Variants in LIG1 observed in about 807,000 individuals in gnomAD.
LIG1 encodes DNA ligase 1, also known as ligase I, DNA, ATP-dependent.
LIG1 carries 70 observed loss-of-function variants against 115.7 expected under a neutral mutation model. The ratio of observed to expected loss-of-function variants is 0.60; its 90% CI spans 0.50 to 0.74. The LOEUF is 0.74. Among genes scored for constraint, LIG1 ranks in the 30% least tolerant of loss-of-function variants. LIG1 has a pLI of 0.00. For synonymous variants in LIG1, 487 were observed against 495.3 expected (o/e 0.98, Z 0.22); for missense variants, 1,115 against 1,225.6 (o/e 0.91, Z 1.35).
In LIG1 at chr19:48,161,385, G is replaced by A; in HGVS notation, c.230C>T (p.Pro77Leu). The A allele has an allele frequency of 6.2e-7, 1 of 1,614,132 alleles. No homozygotes were observed. The highest frequency in any genetic ancestry group is 1.1e-5 in the South Asian group (1 of 91,080). ...EGEEEDEALS[P>L]AKGQKPALDC... ...ATGGGGACCTACCTGGCCTTTAGCA[G>A]GGCTAAGGGCTTCATCCTCCTCTTC... The change falls in exon 4 of 28, where the codon CCT (proline) becomes CTT (leucine). Residue 77 changes from proline (P) to leucine (L), a missense_variant. Physicochemically the swap from Pro to Leu is moderately conservative, Grantham distance 98. Coordinates refer to ENST00000263274, the MANE Select transcript of LIG1 (RefSeq NM_000234.3).
At chr19:48,141,972 G>T (rs8108486) in intron 11 of LIG1, among the ~76,000 whole-genome samples, 95,430 of 151,972 alleles carry the variant, frequency 0.63, 31,189 homozygotes, top group East Asian at 0.87. Context: ...CATAGTGAAT[G>T]AAGGTAGGCT....
intron 27 of LIG1, 22 bp downstream of exon 27, chr19:48,115,851 C>T (rs1199869009): frequency 6.2e-6 from 10 of 1,607,696 alleles, no homozygotes; most frequent in Admixed American, 3.3e-5. Flanking sequence ...GGGCGGCCCA[C>T]CCCTGCTTCC....
chr19:48,128,325 C>A (rs555857100), intron 19 of LIG1, among the ~76,000 whole-genome samples: 1 of 152,284 alleles, frequency 6.6e-6, no homozygotes, highest in African/African-American at 2.4e-5. Context: ...CACTTCCCAC[C>A]AACTCCCTGC....
At chr19:48,169,999 G>A (rs2036718594) in intron 1 of LIG1, 1 of 304,750 alleles carries the variant, frequency 3.3e-6, no homozygotes, top group African/African-American at 2.5e-5. Context: ...CAGAGGACCT[G>A]TCCAACTGTC....
intron 12 of LIG1, among the ~76,000 whole-genome samples, chr19:48,139,097 G>C (rs1202965129): frequency 1.3e-5 from 2 of 152,224 alleles, no homozygotes; most frequent in Non-Finnish European, 2.9e-5. Context: ...GAACCCACCA[G>C]TGGGTGGTCA....
In LIG1 at chr19:48,157,426, C is replaced by CTA. The variant is rs1568546282; in HGVS notation, c.244-287_244-286insTA. Reference sequence around the variant, plus strand: ...CCAAGTAGCTGGGACTACAGGCCTGCACTACCATGCCTGGCTAATTTTTGT... The same window carrying CTA: ...CCAAGTAGCTGGGACTACAGGCCTGCTAACTACCATGCCTGGCTAATTTTTGT... On this transcript the variant is annotated intron_variant, in intron 4 of 27. Coordinates refer to ENST00000263274, the MANE Select transcript of LIG1 (RefSeq NM_000234.3). 5.9e-5 allele frequency among the ~76,000 whole-genome samples: 9 copies of CTA among 152,238 alleles called. No homozygotes were observed. The South Asian group carries it at 1.9e-3, about 32-fold the overall frequency.
In LIG1 at chr19:48,135,968, G is replaced by C. The variant is rs1285355611; in HGVS notation, c.1423+66C>G. 3.7e-6 allele frequency: 5 copies of C among 1,355,320 alleles called. No individual in the cohort carries two copies. The African/African-American group carries it at 7.2e-5, about 20-fold the overall frequency. The allele number at this position is 1,355,320 out of a possible 1,614,324, so 84.0% of individuals were successfully genotyped here. On this transcript the variant is annotated intron_variant, in intron 15 of 27. Coordinates refer to ENST00000263274, the MANE Select transcript of LIG1 (RefSeq NM_000234.3). ...GGGGAAGGGGCGGGCATGGGCCTCT[G>C]AAGAGGAGGGGGGAAGCCTGAGGTA...
intron 11 of LIG1, 104 bp downstream of exon 11, chr19:48,143,439 G>A: frequency 1.8e-6 from 2 of 1,090,950 alleles, no homozygotes; most frequent in Non-Finnish European, 2.8e-6. Context: ...GGGGTCAGAG[G>A]CCAAGTTGAC....
At chr19:48,162,433 C>CTTTTTTTT in intron 2 of LIG1, 82 bp from the exon 3 acceptor site, 1 of 632,036 alleles carries the variant, frequency 1.6e-6, no homozygotes, top group Non-Finnish European at 2.6e-6. Context: ...CTATAACTTC[C>CTTTTTTTT]TTTTTTTTTT....
At chr19:48,146,748 T>G (rs1352105807) in intron 9 of LIG1, among the ~76,000 whole-genome samples, 1 of 152,234 alleles carries the variant, frequency 6.6e-6, no homozygotes, top group Non-Finnish European at 1.5e-5. Flanking sequence ...AGTAGGACAC[T>G]GATTTTATTT....
Position 48,136,063 on chromosome 19 carries a change from TG to T in LIG1, c.1393del (p.Gln465ArgfsTer3). The T allele has an allele frequency of 6.4e-7, 1 of 1,570,844 alleles. No homozygotes were observed. The highest frequency in any genetic ancestry group is 8.6e-7 in the Non-Finnish European group (1 of 1,158,588). Reference sequence around the variant, plus strand: ...GCCCGGGGGCGTGAGGCTCACTGCCTGGGAGAGGGCAGCCAGCACCGACTGC... The same window carrying T: ...GCCCGGGGGCGTGAGGCTCACTGCCTGGAGAGGGCAGCCAGCACCGACTGC... ...AEQSVLAALS[Q>X]AVSLTPPGQE... On this transcript the variant is annotated frameshift_variant, in exon 15 of 28. Coordinates refer to ENST00000263274, the MANE Select transcript of LIG1 (RefSeq NM_000234.3). LOFTEE classifies it high-confidence loss of function.
intron 8 of LIG1, 26 bp from the exon 9 acceptor site, chr19:48,149,867 G>T: frequency 6.2e-7 from 1 of 1,607,770 alleles, no homozygotes; most frequent in Non-Finnish European, 8.5e-7. Flanking sequence ...GAAAACAGTG[G>T]GTCTTTTCTC....
At chr19:48,163,207 C>T (rs886610076) in intron 2 of LIG1, among the ~76,000 whole-genome samples, 51 of 143,718 alleles carry the variant, frequency 3.5e-4, no homozygotes, top group Non-Finnish European at 6.3e-4. Context: ...CATGTGCCCC[C>T]GCGCCCAGCC....
At chr19:48,168,802 G>T (rs961082982) in intron 1 of LIG1, among the ~76,000 whole-genome samples, 15 of 152,136 alleles carry the variant, frequency 9.9e-5, no homozygotes, top group Non-Finnish European at 5.9e-5. Context: ...ACAACTCAGC[G>T]CATACACTGA....
rs535363880 is a variant in LIG1 at position 48,170,314 on chromosome 19, T to C, written c.-131A>G. 2 of 449,136 alleles carry C rather than the reference T, an allele frequency of 4.5e-6. No individual in the cohort carries two copies. The highest frequency in any genetic ancestry group is 7.4e-5 in the East Asian group (1 of 13,588). The allele number at this position is 449,136 out of a possible 1,614,324, so 27.8% of individuals were successfully genotyped here. On this transcript the variant is annotated 5_prime_UTR_variant, in exon 1 of 28. Transcript: ENST00000263274. ...CCAGGCGCGCCTCTGCAGTCCCAAG[T>C]TCGCGCCACGGCATTCGCGCGCAGA...
intron 19 of LIG1, among the ~76,000 whole-genome samples, 162 bp from the exon 20 acceptor site, chr19:48,128,182 G>A (rs1439519926): frequency 3.3e-5 from 5 of 152,054 alleles, no homozygotes; most frequent in Non-Finnish European, 7.4e-5. Flanking sequence ...CCACCAAGAG[G>A]AGACAGAAAC....
chr19:48,150,905 T>C (rs942778123), intron 7 of LIG1, among the ~76,000 whole-genome samples: 8 of 151,870 alleles, frequency 5.3e-5, no homozygotes, highest in Admixed American at 3.3e-4. Flanking sequence ...TTCGCCATGT[T>C]GCCCAGGCTG....
intron 16 of LIG1, 113 bp downstream of exon 16, chr19:48,135,567 C>T (rs1811343108): frequency 1.0e-5 from 9 of 857,784 alleles, no homozygotes; most frequent in South Asian, 2.6e-5. Context: ...GACCGGCACT[C>T]GTGATGCCTG....
intron 5 of LIG1, 52 bp downstream of exon 5, chr19:48,156,962 A>AT: frequency 7.7e-6 from 10 of 1,295,232 alleles, no homozygotes; most frequent in Non-Finnish European, 1.0e-5. Context: ...AAAAAAAAAA[A>AT]GAGAAAAAGA....
Sources: allele counts gnomAD v4.1 joint callset (sites outside exome capture counted in the v4.1 genomes callset), GRCh38; gene constraint gnomAD v4.1.1; transcripts MANE v1.5; gene names NCBI Gene and HGNC (gene_info 2026-07-23, HGNC 2026-07-21).